Variants in MARCHF4 observed in about 807,000 individuals in gnomAD.
MARCHF4 encodes membrane associated ring-CH-type finger 4, also known as E3 ubiquitin-protein ligase MARCHF4.
MARCHF4 carries 14 observed loss-of-function variants against 43.9 expected under a neutral mutation model. The observed-to-expected ratio is 0.32, with a 90% CI of 0.21 to 0.50. The LOEUF (loss-of-function observed/expected upper bound fraction) is 0.50, where lower values mean the gene tolerates loss of function less well. Ranked by LOEUF, MARCHF4 falls within the 20% of genes least tolerant of loss-of-function variation. The probability of loss-of-function intolerance (pLI) is 0.98; values close to 1 mark genes in which losing one functional copy is unlikely to be tolerated. For missense variants in MARCHF4, 468 were observed against 536.7 expected, an observed-to-expected ratio of 0.87 and a Z score of 1.27; for synonymous variants, 226 against 213.3, an observed-to-expected ratio of 1.06 and a Z score of -0.52.
intron 3 of MARCHF4, among the ~76,000 whole-genome samples, chr2:216,269,992 A>T (rs1478925204): frequency 6.6e-6 from 1 of 152,180 alleles, no homozygotes; most frequent in African/African-American, 2.4e-5. Context: ...CAAAACCCAC[A>T]GCTTCAAACA....
At chr2:216,309,850 G>A (rs1006450407) in intron 1 of MARCHF4, among the ~76,000 whole-genome samples, 6 of 140,612 alleles carry the variant, frequency 4.3e-5, no homozygotes, top group African/African-American at 1.2e-4. Flanking sequence ...TTTGCATGAT[G>A]TAGTTCCACT....
chr2:216,262,881 TATAA>T (rs1690764371), intron 3 of MARCHF4, among the ~76,000 whole-genome samples: 1 of 152,202 alleles, frequency 6.6e-6, no homozygotes, highest in African/African-American at 2.4e-5. Context: ...GGAAATCTTT[TATAA>T]CAAAACAATA....
intron 1 of MARCHF4, among the ~76,000 whole-genome samples, chr2:216,321,061 C>T (rs1387698322): frequency 6.6e-6 from 1 of 151,816 alleles, no homozygotes; most frequent in African/African-American, 2.4e-5. Context: ...AATGCCAGAG[C>T]TATAATACAC....
intron 1 of MARCHF4, among the ~76,000 whole-genome samples, chr2:216,365,328 T>C (rs1445383108): frequency 1.3e-5 from 2 of 152,230 alleles, no homozygotes; most frequent in African/African-American, 4.8e-5. Context: ...TTAAGCCTGC[T>C]AAACTTTTCC....
intron 1 of MARCHF4, among the ~76,000 whole-genome samples, chr2:216,289,119 C>T (rs554653974): frequency 2.3e-4 from 35 of 150,632 alleles, no homozygotes; most frequent in Non-Finnish European, 4.9e-4. Context: ...CTCTGTCACC[C>T]AGGCTGGAGT....
chr2:216,323,573 C>T (rs12612800), intron 1 of MARCHF4, among the ~76,000 whole-genome samples: 39,391 of 152,070 alleles, frequency 0.26, 6,251 homozygotes, highest in East Asian at 0.54. Context: ...GTAAAGCACT[C>T]CTCAGCAAAT....
chr2:216,308,612 G>C (rs576908929), intron 1 of MARCHF4, among the ~76,000 whole-genome samples: 1 of 152,260 alleles, frequency 6.6e-6, no homozygotes, highest in South Asian at 2.1e-4. Context: ...CTCTGCTTCC[G>C]GAACTCTGAG....
intron 1 of MARCHF4, among the ~76,000 whole-genome samples, chr2:216,322,486 T>G (rs1321434297): frequency 6.6e-6 from 1 of 152,190 alleles, no homozygotes; most frequent in African/African-American, 2.4e-5. Flanking sequence ...CATACACACT[T>G]TTGCTGTGGA....
At chr2:216,286,098 G>A (rs945577398) in intron 1 of MARCHF4, among the ~76,000 whole-genome samples, 4 of 152,312 alleles carry the variant, frequency 2.6e-5, no homozygotes, top group South Asian at 2.1e-4. Context: ...AAGGAGGAGC[G>A]TGACCTGGCC....
intron 1 of MARCHF4, among the ~76,000 whole-genome samples, chr2:216,304,271 G>A (rs1691544128): frequency 6.6e-6 from 1 of 152,132 alleles, no homozygotes; most frequent in Non-Finnish European, 1.5e-5. Context: ...AGTATTCTAG[G>A]TATTGAAAAG....
At chr2:216,262,648 TTTGA>T (rs58014833) in intron 3 of MARCHF4, among the ~76,000 whole-genome samples, 2,952 of 152,122 alleles carry the variant, frequency 0.019, 97 homozygotes, top group African/African-American at 0.067. Flanking sequence ...GATGTGACTA[TTTGA>T]TTGGGGCTGG....
At chr2:216,311,261 G>T (rs1385313453) in intron 1 of MARCHF4, among the ~76,000 whole-genome samples, 2 of 151,290 alleles carry the variant, frequency 1.3e-5, no homozygotes, top group African/African-American at 4.9e-5. Flanking sequence ...TTTTTTGGGT[G>T]GGGGGGATCT....
At chr2:216,278,461 G>A (rs1996792) in intron 2 of MARCHF4, among the ~76,000 whole-genome samples, 7,811 of 152,176 alleles carry the variant, frequency 0.051, 318 homozygotes, top group South Asian at 0.17. Flanking sequence ...TCCTGACCTC[G>A]TGATCCGCCC....
chr2:216,360,539 T>C (rs1382234276), intron 1 of MARCHF4, among the ~76,000 whole-genome samples: 1 of 151,998 alleles, frequency 6.6e-6, no homozygotes, highest in Non-Finnish European at 1.5e-5. Flanking sequence ...ACACACTGTA[T>C]AATTCCAACT....
intron 1 of MARCHF4, among the ~76,000 whole-genome samples, chr2:216,320,628 T>TTTCC (rs1691867553): frequency 1.0e-5 from 1 of 95,860 alleles, no homozygotes; most frequent in African/African-American, 4.4e-5. Flanking sequence ...TCTTTCTTTC[T>TTTCC]TTCTTTCTTT....
intron 1 of MARCHF4, among the ~76,000 whole-genome samples, chr2:216,316,550 G>A (rs1235673317): frequency 6.6e-6 from 1 of 152,130 alleles, no homozygotes; most frequent in Non-Finnish European, 1.5e-5. Context: ...ACAGTCCTGG[G>A]AAATGGGGGG....
chr2:216,259,517 T>C lies in MARCHF4; in HGVS notation c.1028A>G (p.Asn343Ser). ...NPRTSSSTQA[N>S]IPSSEEETAG... Reference sequence around the variant, plus strand: ...GGTCTCCTCTTCCGAGGAGGGGATATTGGCCTGGGTGGATGAGGAGGTCCG... The same window carrying C: ...GGTCTCCTCTTCCGAGGAGGGGATACTGGCCTGGGTGGATGAGGAGGTCCG... The change falls in exon 4 of 4, where the codon AAT becomes AGT. Residue 343 changes from asparagine to serine, a missense_variant. Asn to Ser is a conservative substitution (Grantham distance 46). Coordinates refer to ENST00000273067, the MANE Select transcript of MARCHF4 (RefSeq NM_020814.3). 1.2e-6 allele frequency: 2 copies of C among 1,614,164 alleles called. No homozygotes were observed. The highest frequency in any genetic ancestry group is 1.7e-6 in the Non-Finnish European group (2 of 1,180,020).
intron 1 of MARCHF4, among the ~76,000 whole-genome samples, chr2:216,349,171 G>A (rs1692362733): frequency 6.6e-6 from 1 of 152,172 alleles, no homozygotes; most frequent in African/African-American, 2.4e-5. Flanking sequence ...AATTCAGTGT[G>A]CACGTGCAAT....
intron 3 of MARCHF4, among the ~76,000 whole-genome samples, chr2:216,268,576 CT>C (rs1471420584): frequency 6.6e-6 from 1 of 152,190 alleles, no homozygotes. Flanking sequence ...TGTAAGTTTC[CT>C]GGGGCCTCCC....
Sources: gnomAD v4.1 joint callset for allele counts (sites outside exome capture counted in the v4.1 genomes callset) on GRCh38, gnomAD v4.1.1 for gene constraint, MANE v1.5 for transcripts, NCBI Gene and HGNC (gene_info 2026-07-23, HGNC 2026-07-21) for gene names.